The following YIF1A variants were observed in gnomAD, a reference collection of about 807,000 sequenced individuals.
YIF1A encodes the protein Yip1 interacting factor homolog A, membrane trafficking protein, also known as protein YIF1A.
Under a neutral mutation model 32.6 loss-of-function variants are expected in YIF1A, and 28 were observed. The ratio of observed to expected loss-of-function variants is 0.86; its 90% CI spans 0.64 to 1.18. YIF1A has a LOEUF of 1.18. Among genes scored for constraint, YIF1A ranks in the 50% most tolerant of loss-of-function variants. YIF1A has a pLI of 0.00. For synonymous variants in YIF1A, 175 were observed against 162.2 expected, an observed-to-expected ratio of 1.08 and a Z score of -0.60; for missense variants, 373 against 390.8, an observed-to-expected ratio of 0.95 and a Z score of 0.38.
At position 66,287,282 on chromosome 11, in the gene YIF1A, A is replaced by T. The variant is rs1857370605; in HGVS notation, c.427+316T>A. 7.7e-6 allele frequency: 3 copies of T among 389,554 alleles called. No homozygotes were observed. In the South Asian group the frequency reaches 9.8e-5, roughly 13 times the overall value. The allele number at this position is 389,554 out of a possible 1,614,324, so 24.1% of individuals were successfully genotyped here. A position where few individuals can be genotyped will look rare whatever the true frequency, so the allele number is the denominator to read the frequency against. On this transcript the variant is annotated intron_variant, in intron 4 of 7. Coordinates refer to ENST00000376901, the MANE Select transcript of YIF1A (RefSeq NM_020470.3). ...GTTTTACTGAAAAGTACAAATAACC[A>T]GCCTGAAATCCCATAGCTGGAGTCT...
intron 2 of YIF1A, 75 bp downstream of exon 2, chr11:66,288,006 G>A (rs147538110): frequency 6.2e-7 from 1 of 1,606,350 alleles, no homozygotes; most frequent in East Asian, 2.2e-5. Context: ...GCACTGTGAG[G>A]AATCGGGTGG....
At chr11:66,286,443 CCT>C (rs1022311644) in intron 4 of YIF1A, among the ~76,000 whole-genome samples, 1 of 152,186 alleles carries the variant, frequency 6.6e-6, no homozygotes, top group African/African-American at 2.4e-5. Flanking sequence ...ATGGCAAAAC[CCT>C]GTCTCTACTA....
chr11:66,288,015 G>A, intron 2 of YIF1A, 66 bp downstream of exon 2: 1 of 1,607,496 alleles, frequency 6.2e-7, no homozygotes, highest in Non-Finnish European at 8.5e-7. Context: ...GGAATCGGGT[G>A]GAATCCCATG....
intron 7 of YIF1A, 26 bp downstream of exon 7, chr11:66,284,847 G>A (rs776746688): frequency 1.2e-6 from 2 of 1,612,866 alleles, no homozygotes; most frequent in South Asian, 2.2e-5. Context: ...TGAAGGCAGG[G>A]GAATGGGGGG....
chr11:66,284,794 G>A lies in YIF1A; in HGVS notation c.736-11C>T, dbSNP rs750119462. On this transcript the variant is annotated splice_polypyrimidine_tract_variant and intron_variant, in intron 7 of 7. Transcript: ENST00000376901. ...CCGCAAAGAGCGCACCTGGAAGAAA[G>A]GAGAACTGAAGCCTGGCCAGGAGGG... is the stretch of plus-strand genomic sequence containing the variant. 2 of 1,611,388 alleles carry A rather than the reference G, an allele frequency of 1.2e-6. No homozygotes were observed. Among genetic ancestry groups the A allele is most frequent in the East Asian group, 4.5e-5 (2 of 44,830 alleles).
In YIF1A at chr11:66,288,994, C is replaced by T. The variant is rs1431551858; in HGVS notation, c.-9G>A. On this transcript the variant is annotated 5_prime_UTR_variant, in exon 1 of 8. Coordinates refer to ENST00000376901, the MANE Select transcript of YIF1A (RefSeq NM_020470.3). ...CCCGAGTGATAAGCCATGGCCGCGA[C>T]GCTCGCTGTCCCCGAGGGCCCGCTG... The T allele has an allele frequency of 6.3e-7, 1 of 1,578,928 alleles. No individual in the cohort carries two copies. The highest frequency in any genetic ancestry group is 2.4e-5 in the East Asian group (1 of 42,504).
rs907728455 is a variant in YIF1A, at chr11:66,285,892, C to G, written c.428-134G>C. Reference sequence around the variant, plus strand: ...AGCATGGCCTGACCTCCACATTCTGCTTCCAAATGCCCTGCCTGGAATGCC... The same window carrying G: ...AGCATGGCCTGACCTCCACATTCTGGTTCCAAATGCCCTGCCTGGAATGCC... On this transcript the variant is annotated intron_variant, in intron 4 of 7. Coordinates refer to ENST00000376901, the MANE Select transcript of YIF1A (RefSeq NM_020470.3). The G allele has an allele frequency of 7.1e-6, 7 of 979,476 alleles. No homozygotes were observed. The East Asian group carries it at 1.8e-4, about 26-fold the overall frequency. The allele number at this position is 979,476 out of a possible 1,614,324, so 60.7% of individuals were successfully genotyped here.
At position 66,289,123 on chromosome 11, in the gene YIF1A, G is replaced by A. The variant is rs1013341227; in HGVS notation, c.-138C>T. On this transcript the variant is annotated 5_prime_UTR_variant, in exon 1 of 8. Coordinates refer to ENST00000376901, the MANE Select transcript of YIF1A (RefSeq NM_020470.3). ...ACACGTCCCCCACCCCGCCGGTCTC[G>A]GCCACCATGTCCGTGGCGTCATCCC... 6.3e-5 allele frequency: 81 copies of A among 1,283,116 alleles called. No individual in the cohort carries two copies. The highest frequency in any genetic ancestry group is 2.1e-4 in the Admixed American group (6 of 28,200). 79.5% of individuals were successfully genotyped at this position (1,283,116 alleles called of 1,614,324 possible). A position where few individuals can be genotyped will look rare whatever the true frequency, so the allele number is the denominator to read the frequency against.
Position 66,284,725 on chromosome 11 carries a change from C to T in YIF1A, c.794G>A (p.Arg265Gln), listed in dbSNP as rs752654245. The T allele has an allele frequency of 6.8e-6, 11 of 1,612,390 alleles. No individual in the cohort carries two copies. Among genetic ancestry groups the T allele is most frequent in the Middle Eastern group, 1.7e-4 (1 of 6,034 alleles). Residue 265 changes from arginine (R) to glutamine (Q), a missense_variant, in exon 8 of 8, where the codon CGG becomes CAG. Physicochemically the swap from Arg to Gln is conservative, Grantham distance 43. Coordinates refer to ENST00000376901, the MANE Select transcript of YIF1A (RefSeq NM_020470.3). The stretch of plus-strand genomic sequence containing the variant: ...AGTCAGGTAGAGCTGGAGACGCTGC[C>T]GGGGGACGGGGCCCCCCATGCTGTC... ...GPDSMGGPVPRQRLQLYLTLG... is the reference protein window; with the variant it reads ...GPDSMGGPVPQQRLQLYLTLG...
At chr11:66,288,909 C>G in intron 1 of YIF1A, 46 bp downstream of exon 1, 1 of 1,450,440 alleles carries the variant, frequency 6.9e-7, no homozygotes, top group Non-Finnish European at 9.0e-7. Flanking sequence ...ACGCCGCCGA[C>G]TCTCCCCCCG....
chr11:66,289,084 C>T lies in YIF1A; in HGVS notation c.-99G>A. On this transcript the variant is annotated 5_prime_UTR_variant, in exon 1 of 8. Coordinates refer to ENST00000376901, the MANE Select transcript of YIF1A (RefSeq NM_020470.3). ...CCGCGCCCAGGGTACCGACCGAGGCCACCCGGCCGCGCGACACGTCCCCCA... is the reference window on the plus strand; with the variant it reads ...CCGCGCCCAGGGTACCGACCGAGGCTACCCGGCCGCGCGACACGTCCCCCA... 7.0e-6 allele frequency: 10 copies of T among 1,432,524 alleles called. No homozygotes were observed. The highest frequency in any genetic ancestry group is 9.2e-6 in the Non-Finnish European group (10 of 1,091,534). 88.7% of individuals were successfully genotyped at this position (1,432,524 alleles called of 1,614,324 possible).
chr11:66,288,442 G>A (rs1045532156), intron 1 of YIF1A, 150 bp from the exon 2 acceptor site: 1 of 838,200 alleles, frequency 1.2e-6, no homozygotes, highest in Non-Finnish European at 1.9e-6. Flanking sequence ...AGCTAACTGA[G>A]AAAAAACTGT....
chr11:66,289,130 A>C lies in YIF1A; in HGVS notation c.-145T>G. On this transcript the variant is annotated 5_prime_UTR_variant, in exon 1 of 8. An upstream start codon of the reference 5' UTR is lost. Transcript: ENST00000376901. ...CCCCACCCCGCCGGTCTCGGCCACC[A>C]TGTCCGTGGCGTCATCCCCCGCGCC... The C allele has an allele frequency of 4.9e-6, 6 of 1,232,736 alleles. No homozygotes were observed. The highest frequency in any genetic ancestry group is 1.6e-5 in the African/African-American group (1 of 62,590). The allele number at this position is 1,232,736 out of a possible 1,614,324, so 76.4% of individuals were successfully genotyped here.
rs1411635356 is a variant in YIF1A, at chr11:66,284,669, T to C, written c.850A>G (p.Ile284Val). Residue 284 changes from isoleucine to valine, a missense_variant, in exon 8 of 8, where the codon ATA (isoleucine) becomes GTA (valine). Transcript: ENST00000376901. ...ACCAGGTGGAAAGTCAGCCAGTATA[T>C]GATGAGGGGCTGGAAGGCTGCAGCT... ...LGAAAFQPLI[I>V]YWLTFHLVR 3 of 1,612,680 alleles carry C rather than the reference T, an allele frequency of 1.9e-6. No homozygotes were observed. The highest frequency in any genetic ancestry group is 2.5e-6 in the Non-Finnish European group (3 of 1,179,908).
At chr11:66,285,614 TG>T in intron 5 of YIF1A, 78 bp from the exon 6 acceptor site, 6 of 1,609,698 alleles carry the variant, frequency 3.7e-6, no homozygotes, top group Non-Finnish European at 5.1e-6. Context: ...CAACAGAGGG[TG>T]AGCTGGGGAC....
chr11:66,285,467 G>A lies in YIF1A; in HGVS notation c.555C>T (p.Ala185=). The A allele has an allele frequency of 6.2e-7, 1 of 1,613,310 alleles. No individual in the cohort carries two copies. The highest frequency in any genetic ancestry group is 8.5e-7 in the Non-Finnish European group (1 of 1,180,028). ...ALVWVVMEVL[A]LLLGLYLATV... ...TGGCCAGGTAGAGGCCCAGGAGCAG[G>A]GCCAGCACCTCCATCACCACCCACA... The change falls in exon 6 of 8, where the codon GCC becomes GCT. Residue 185 remains alanine, a synonymous_variant. Coordinates refer to ENST00000376901, the MANE Select transcript of YIF1A (RefSeq NM_020470.3).
rs768154963 is a variant in YIF1A at position 66,285,491 on chromosome 11, C to T, written c.531G>A (p.Val177=). Residue 177 remains valine, a synonymous_variant, in exon 6 of 8, where the codon GTG becomes GTA. Transcript: ENST00000376901. ...GGGCCAGCACCTCCATCACCACCCA[C>T]ACCAGCGCTGTGCTTGCACACAGGC... ...VLGLCASTAL[V]WVVMEVLALL... is the part of the protein sequence containing the mutation. 3.1e-6 allele frequency: 5 copies of T among 1,613,238 alleles called. No homozygotes were observed. The highest frequency in any genetic ancestry group is 1.7e-5 in the Admixed American group (1 of 60,032).
chr11:66,285,327 C>G, intron 6 of YIF1A, 54 bp downstream of exon 6: 1 of 1,585,244 alleles, frequency 6.3e-7, no homozygotes, highest in Non-Finnish European at 8.6e-7. Flanking sequence ...TTCGAGGCTA[C>G]AGCTATGCAG....
chr11:66,288,944 G>GCCCCGCCCGCT lies in YIF1A; in HGVS notation c.31+10_31+11insAGCGGGCGGGG. 3 of 1,505,676 alleles carry GCCCCGCCCGCT rather than the reference G, an allele frequency of 2.0e-6. No individual in the cohort carries two copies. The highest frequency in any genetic ancestry group is 2.6e-6 in the Non-Finnish European group (3 of 1,137,868). The allele number at this position is 1,505,676 out of a possible 1,614,324, so 93.3% of individuals were successfully genotyped here. ...GCCGGCCGCGCCGCGCCCCGCCCGC[G>GCCCCGCCCGCT]CCCCACGCACCGTGGGCTCCGTAGC... On this transcript the variant is annotated intron_variant, in intron 1 of 7. Coordinates refer to ENST00000376901, the MANE Select transcript of YIF1A (RefSeq NM_020470.3).
Sources: gnomAD v4.1 joint callset for allele counts (sites outside exome capture counted in the v4.1 genomes callset) on GRCh38, gnomAD v4.1.1 for gene constraint, MANE v1.5 for transcripts, NCBI Gene and HGNC (gene_info 2026-07-23, HGNC 2026-07-21) for gene names.